Variants in AKT3 observed in about 807,000 individuals in gnomAD.
AKT3 encodes RAC-gamma serine/threonine-protein kinase.
AKT3 carries 15 observed loss-of-function variants against 65.3 expected under a neutral mutation model. That is an observed-to-expected ratio of 0.23 (90% confidence interval 0.15 to 0.35). The LOEUF (loss-of-function observed/expected upper bound fraction) is 0.35, where lower values mean the gene tolerates loss of function less well. Ranked by LOEUF, AKT3 falls within the 10% of genes least tolerant of loss-of-function variation. The pLI is 1.00. For synonymous variants in AKT3, 206 were observed against 183.8 expected (o/e 1.12, Z -0.98); for missense variants, 243 against 576.5 (o/e 0.42, Z 5.92).
At chr1:243,534,448 C>T (rs79416769) in intron 12 of AKT3, among the ~76,000 whole-genome samples, 1 of 152,098 alleles carries the variant, frequency 6.6e-6, no homozygotes, top group African/African-American at 2.4e-5. Flanking sequence ...ATCAACATGT[C>T]CCCCCAGTCA....
intron 11 of AKT3, among the ~76,000 whole-genome samples, chr1:243,549,427 T>C (rs1300144532): frequency 6.6e-6 from 1 of 152,006 alleles, no homozygotes; most frequent in African/African-American, 2.4e-5. Flanking sequence ...AACAATTCCA[T>C]AAATATTCTT....
Position 243,660,211 on chromosome 1 carries a change from G to A in AKT3, c.284+4561C>T, listed in dbSNP as rs1189477541. 4.6e-5 allele frequency among the ~76,000 whole-genome samples: 7 copies of A among 152,082 alleles called. No homozygotes were observed. The South Asian group carries it at 1.5e-3, about 32-fold the overall frequency. Reference sequence around the variant, plus strand: ...ACTTCTTCCTGGTTTAGTCTTGGGAGAGTGTATGTGTCGAGGAATTTATCC... The same window carrying A: ...ACTTCTTCCTGGTTTAGTCTTGGGAAAGTGTATGTGTCGAGGAATTTATCC... On this transcript the variant is annotated intron_variant, in intron 4 of 13. Transcript: ENST00000673466.
chr1:243,502,684 T>G lies in AKT3; in HGVS notation c.*2565A>C, dbSNP rs1235748976. ...AGATCTGGAAGTGAAAATAGGGGAT[T>G]CTCAAAATCAAAGCCAAGAAGACAC... On this transcript the variant is annotated 3_prime_UTR_variant, in exon 14 of 14. Coordinates refer to ENST00000673466, the MANE Select transcript of AKT3 (RefSeq NM_005465.7). 2 of 233,066 alleles carry G rather than the reference T, an allele frequency of 8.6e-6. No homozygotes were observed. Among genetic ancestry groups the G allele is most frequent in the Non-Finnish European group, 1.7e-5 (2 of 118,024 alleles). The allele number at this position is 233,066 out of a possible 1,614,324, so 14.4% of individuals were successfully genotyped here.
chr1:243,767,439 AACC>A (rs1425958586), intron 2 of AKT3, among the ~76,000 whole-genome samples: 2 of 152,202 alleles, frequency 1.3e-5, no homozygotes, highest in African/African-American at 4.8e-5. Context: ...CTAATATATG[AACC>A]ACATTCTCAT....
At chr1:243,508,788 C>T (rs1669837073) in intron 13 of AKT3, among the ~76,000 whole-genome samples, 1 of 151,648 alleles carries the variant, frequency 6.6e-6, no homozygotes, top group Non-Finnish European at 1.5e-5. Flanking sequence ...GCCTCAGCCT[C>T]CCGAGTGGCT....
chr1:243,575,768 T>C (rs1294053440), intron 8 of AKT3, among the ~76,000 whole-genome samples: 1 of 152,098 alleles, frequency 6.6e-6, no homozygotes, highest in African/African-American at 2.4e-5. Flanking sequence ...TCCAAAAAAG[T>C]GCTACTCAAG....
chr1:243,587,471 G>C (rs1037337244), intron 8 of AKT3, among the ~76,000 whole-genome samples: 5 of 152,022 alleles, frequency 3.3e-5, no homozygotes, highest in African/African-American at 1.2e-4. Flanking sequence ...AAATAGCTGG[G>C]CATGGTGGCG....
At chr1:243,557,822 G>A (rs1673508522) in intron 10 of AKT3, among the ~76,000 whole-genome samples, 1 of 152,018 alleles carries the variant, frequency 6.6e-6, no homozygotes, top group East Asian at 1.9e-4. Context: ...AATTACCCCA[G>A]GTGGAGAGAT....
intron 2 of AKT3, among the ~76,000 whole-genome samples, chr1:243,778,308 G>A (rs965782336): frequency 1.3e-5 from 2 of 152,114 alleles, no homozygotes; most frequent in Non-Finnish European, 2.9e-5. Context: ...CAATATAAGA[G>A]CAATAATAGA....
At chr1:243,684,875 T>C (rs538839340) in intron 3 of AKT3, among the ~76,000 whole-genome samples, 4 of 152,354 alleles carry the variant, frequency 2.6e-5, no homozygotes, top group Non-Finnish European at 5.9e-5. Flanking sequence ...TGGTATCTCA[T>C]TGTGTTTTGA....
At chr1:243,759,235 A>T (rs1689337781) in intron 2 of AKT3, among the ~76,000 whole-genome samples, 1 of 152,192 alleles carries the variant, frequency 6.6e-6, no homozygotes, top group Admixed American at 6.5e-5. Flanking sequence ...GGAGAGCTTG[A>T]GCCCAGGAGG....
intron 2 of AKT3, among the ~76,000 whole-genome samples, chr1:243,791,764 C>T (rs765842431): frequency 9.2e-5 from 14 of 152,236 alleles, no homozygotes; most frequent in Non-Finnish European, 1.8e-4. Flanking sequence ...TGCCCCTGGG[C>T]GGCATAAAGA....
chr1:243,582,258 A>G (rs1675417948), intron 8 of AKT3, among the ~76,000 whole-genome samples: 3 of 151,946 alleles, frequency 2.0e-5, no homozygotes, highest in African/African-American at 4.8e-5. Flanking sequence ...ACTGTGAGAT[A>G]CTATGCAAAA....
At chr1:243,761,116 A>T (rs1389267473) in intron 2 of AKT3, among the ~76,000 whole-genome samples, 1 of 152,174 alleles carries the variant, frequency 6.6e-6, no homozygotes, top group Non-Finnish European at 1.5e-5. Flanking sequence ...AGCATCTAAT[A>T]AGCCAAGACA....
chr1:243,692,527 G>T (rs556522968), intron 3 of AKT3, among the ~76,000 whole-genome samples: 22 of 151,718 alleles, frequency 1.5e-4, no homozygotes, highest in Non-Finnish European at 2.6e-4. Context: ...GAGGTCACGA[G>T]TTTGAGACCA....
chr1:243,652,771 CAAAAAAAAAAA>C (rs371580711), intron 4 of AKT3, among the ~76,000 whole-genome samples: 1 of 31,290 alleles, frequency 3.2e-5, no homozygotes, highest in Non-Finnish European at 5.4e-5. Flanking sequence ...AAATAGAAAG[CAAAAAAAAAAA>C]AAAAAAAAAA....
chr1:243,685,843 A>G (rs953281709), intron 3 of AKT3, among the ~76,000 whole-genome samples: 4 of 152,294 alleles, frequency 2.6e-5, no homozygotes, highest in Admixed American at 6.5e-5. Context: ...CCATGATTGT[A>G]TATTTAGAAA....
At chr1:243,613,815 C>T in intron 7 of AKT3, 76 bp from the exon 8 acceptor site, 1 of 877,534 alleles carries the variant, frequency 1.1e-6, no homozygotes, top group Non-Finnish European at 1.7e-6. Flanking sequence ...AAAAATAGAA[C>T]ACATAGAAAT....
chr1:243,552,776 A>G lies in AKT3; in HGVS notation c.1116T>C (p.Asp372=). 1 of 1,613,990 alleles carries G rather than the reference A, an allele frequency of 6.2e-7. No individual in the cohort carries two copies. The highest frequency in any genetic ancestry group is 8.5e-7 in the Non-Finnish European group (1 of 1,179,922). The change falls in exon 11 of 14, where the codon GAT becomes GAC. Residue 372 remains aspartate (D), a synonymous_variant. Transcript: ENST00000673466. ...AGAGCCCTGAAAGCAATGATTTTGC[A>G]TCTGAAGAGAGTGTTCGAGGAAATT... ...DIKFPRTLSS[D]AKSLLSGLLI... is the part of the protein sequence containing the mutation.
Sources: gnomAD v4.1 joint callset for allele counts (sites outside exome capture counted in the v4.1 genomes callset) on GRCh38, gnomAD v4.1.1 for gene constraint, MANE v1.5 for transcripts, NCBI Gene and HGNC (gene_info 2026-07-23, HGNC 2026-07-21) for gene names.